RNF13: variants seen among roughly 807,000 people sequenced by gnomAD.
The protein encoded by RNF13 is ring finger protein 13.
In RNF13, 19 loss-of-function variants were observed where a neutral mutation model predicts 37.7. That is an observed-to-expected ratio of 0.50 (90% confidence interval 0.35 to 0.74). The LOEUF (loss-of-function observed/expected upper bound fraction) is 0.74. RNF13 is among the 30% of genes least tolerant of loss of function. The probability of loss-of-function intolerance (pLI) is 0.01; values close to 1 mark genes in which losing one functional copy is unlikely to be tolerated. For missense variants in RNF13, 375 were observed against 453.0 expected, an observed-to-expected ratio of 0.83 and a Z score of 1.56; for synonymous variants, 144 against 157.8, an observed-to-expected ratio of 0.91 and a Z score of 0.65.
At chr3:149,812,917 C>A (rs1576695445), upstream of RNF13, 1 of 152,572 alleles carries the variant, frequency 6.6e-6, no homozygotes, top group Non-Finnish European at 1.5e-5. Flanking sequence ...TAGCGGCAGG[C>A]GCCCACAGCC....
chr3:149,860,270 A>AT lies in RNF13; in HGVS notation c.195+7674_195+7675insT, dbSNP rs1553756034. On this transcript the variant is annotated intron_variant, in intron 3 of 9. Transcript: ENST00000392894. ...GAGACTCCATCTAAAAAAAAAAAAA[A>AT]ATATATATATATATATATATATATA... 7.1e-3 allele frequency among the ~76,000 whole-genome samples: 734 copies of AT among 104,024 alleles called. 3 individuals are homozygous for AT. Among genetic ancestry groups the AT allele is most frequent in the African/African-American group, 0.013 (318 of 23,704 alleles). 68.2% of individuals were successfully genotyped at this position (104,024 alleles called of 152,430 possible).
At chr3:149,903,167 AT>A (rs1316656505) in intron 6 of RNF13, among the ~76,000 whole-genome samples, 2 of 151,888 alleles carry the variant, frequency 1.3e-5, no homozygotes, top group Middle Eastern at 3.2e-3. Context: ...TGCTCAGAAC[AT>A]TTTTTTTAAG....
chr3:149,816,321 C>T (rs936550444), intron 1 of RNF13, among the ~76,000 whole-genome samples: 1 of 152,076 alleles, frequency 6.6e-6, no homozygotes, highest in Non-Finnish European at 1.5e-5. Context: ...GACTACAGAA[C>T]GTCTGTCTCT....
At chr3:149,923,812 C>G (rs1037600289) in intron 8 of RNF13, among the ~76,000 whole-genome samples, 2 of 151,186 alleles carry the variant, frequency 1.3e-5, no homozygotes, top group Non-Finnish European at 2.9e-5. Context: ...TGATACTGTC[C>G]TGGGTTTAAA....
In RNF13 at chr3:149,961,085, A is replaced by C. The variant is rs1189801065; in HGVS notation, c.1127A>C (p.Asn376Thr). ...QLQPNGERDY[N>T]IANTV ...CAGCCTAATGGTGAACGGGATTACA[A>C]CATAGCAAATACTGTTTGACTTTCA... is the stretch of plus-strand genomic sequence containing the variant. The change falls in exon 10 of 10, where the codon AAC becomes ACC. Residue 376 changes from asparagine (N) to threonine (T), a missense_variant. Coordinates refer to ENST00000392894, the MANE Select transcript of RNF13 (RefSeq NM_183381.3). 6.2e-7 allele frequency: 1 copy of C among 1,610,172 alleles called. No homozygotes were observed. The highest frequency in any genetic ancestry group is 8.5e-7 in the Non-Finnish European group (1 of 1,177,602).
At chr3:149,874,171 C>T (rs1712420976) in intron 4 of RNF13, among the ~76,000 whole-genome samples, 1 of 152,048 alleles carries the variant, frequency 6.6e-6, no homozygotes, top group Non-Finnish European at 1.5e-5. Context: ...TTTTTTCCTC[C>T]ATAAATACAC....
intron 4 of RNF13, among the ~76,000 whole-genome samples, chr3:149,881,167 G>A (rs1713353261): frequency 6.6e-6 from 1 of 152,152 alleles, no homozygotes; most frequent in Non-Finnish European, 1.5e-5. Flanking sequence ...AGTGAAAACT[G>A]GCAGGGACAC....
intron 1 of RNF13, among the ~76,000 whole-genome samples, chr3:149,838,590 C>T (rs1302543958): frequency 6.6e-6 from 1 of 152,152 alleles, no homozygotes; most frequent in African/African-American, 2.4e-5. Flanking sequence ...TGTACCTTGG[C>T]TCTGTTTAGC....
chr3:149,865,030 AG>A (rs1434897106), intron 3 of RNF13, among the ~76,000 whole-genome samples: 4 of 152,134 alleles, frequency 2.6e-5, no homozygotes, highest in African/African-American at 9.7e-5. Flanking sequence ...ATTTGCAATC[AG>A]GTTATTCTGA....
At chr3:149,845,072 G>A (rs765648724) in intron 1 of RNF13, among the ~76,000 whole-genome samples, 72 of 152,114 alleles carry the variant, frequency 4.7e-4, no homozygotes, top group Non-Finnish European at 8.7e-4. Context: ...TGATATTAGT[G>A]GCTTTGTAAA....
intron 8 of RNF13, among the ~76,000 whole-genome samples, chr3:149,957,640 ATAAG>A (rs1234686219): frequency 3.9e-5 from 6 of 152,182 alleles, no homozygotes; most frequent in African/African-American, 7.2e-5. Context: ...CTACCATGTG[ATAAG>A]TAAGTATGCC....
chr3:149,950,284 T>C (rs943195395), intron 8 of RNF13, among the ~76,000 whole-genome samples: 4 of 78,752 alleles, frequency 5.1e-5, no homozygotes, highest in Admixed American at 1.5e-4. Context: ...CATATCTGAG[T>C]CTGTTTGTGA....
chr3:149,847,266 T>A (rs1287943107), intron 2 of RNF13, among the ~76,000 whole-genome samples: 2 of 152,218 alleles, frequency 1.3e-5, no homozygotes, highest in African/African-American at 4.8e-5. Flanking sequence ...TTTCTATTTC[T>A]CTTTTTCTGT....
At position 149,813,252 on chromosome 3, in the gene RNF13, TGG is replaced by T. The variant is rs138057682; in HGVS notation, c.-114_-113del. The T allele has an allele frequency of 0.031, 4,779 of 152,340 alleles. 245 individuals carry two copies. Among genetic ancestry groups the T allele is most frequent in the African/African-American group, 0.11 (4,495 of 41,556 alleles). 9.4% of individuals were successfully genotyped at this position (152,340 alleles called of 1,614,324 possible). On this transcript the variant is annotated 5_prime_UTR_variant, in exon 1 of 10. Coordinates refer to ENST00000392894, the MANE Select transcript of RNF13 (RefSeq NM_183381.3). ...TCGTCCCTGCTAGTACTCCGGGCTG[TGG>T]GGGTCGGTGCGGATATTCAGTCATG...
intron 1 of RNF13, among the ~76,000 whole-genome samples, chr3:149,816,038 A>G (rs769742142): frequency 8.6e-5 from 13 of 151,802 alleles, no homozygotes; most frequent in South Asian, 6.3e-4. Context: ...GACTACAGTC[A>G]TAAACCCCCA....
intron 1 of RNF13, among the ~76,000 whole-genome samples, chr3:149,822,922 C>CATT (rs1416427136): frequency 6.6e-6 from 1 of 152,006 alleles, no homozygotes; most frequent in African/African-American, 2.4e-5. Context: ...CATTAATATA[C>CATT]ATTAGTTTTT....
At chr3:149,933,887 AAC>A (rs1331401764) in intron 8 of RNF13, among the ~76,000 whole-genome samples, 2 of 152,070 alleles carry the variant, frequency 1.3e-5, no homozygotes, top group African/African-American at 2.4e-5. Context: ...CTCAGCCTCT[AAC>A]AGTTTCTTGA....
At chr3:149,938,083 T>C (rs1719880704) in intron 8 of RNF13, among the ~76,000 whole-genome samples, 1 of 152,030 alleles carries the variant, frequency 6.6e-6, no homozygotes, top group Non-Finnish European at 1.5e-5. Context: ...GTTCTATCAA[T>C]TTTTGCCTTA....
intron 1 of RNF13, among the ~76,000 whole-genome samples, chr3:149,831,188 G>A: frequency 6.6e-6 from 1 of 152,228 alleles, no homozygotes; most frequent in East Asian, 1.9e-4. Flanking sequence ...TCCCTACTGG[G>A]GACTGCCTAG....
Sources: gnomAD v4.1 joint callset for allele counts (sites outside exome capture counted in the v4.1 genomes callset) on GRCh38, gnomAD v4.1.1 for gene constraint, MANE v1.5 for transcripts, NCBI Gene and HGNC (gene_info 2026-07-23, HGNC 2026-07-21) for gene names.